ARHGAP20: variants seen among roughly 807,000 people sequenced by gnomAD.
ARHGAP20 encodes Rho GTPase activating protein 20.
A neutral mutation model predicts 73.7 loss-of-function variants in ARHGAP20; 34 were observed. The observed-to-expected ratio is 0.46, with a 90% CI of 0.35 to 0.61. The LOEUF (loss-of-function observed/expected upper bound fraction) is 0.61. Ranked by LOEUF, ARHGAP20 falls within the 20% of genes least tolerant of loss-of-function variation. The probability of loss-of-function intolerance (pLI) is 0.00; values close to 1 mark genes in which losing one functional copy is unlikely to be tolerated. For missense variants in ARHGAP20, 1,314 were observed against 1,420.9 expected (o/e 0.92, Z 1.21); for synonymous variants, 523 against 518.2 (o/e 1.01, Z -0.13).
intron 2 of ARHGAP20, among the ~76,000 whole-genome samples, chr11:110,655,877 T>A (rs1266883090): frequency 6.6e-6 from 1 of 152,194 alleles, no homozygotes; most frequent in Non-Finnish European, 1.5e-5. Flanking sequence ...TTCCATGGGA[T>A]GTTAATAGGT....
intron 1 of ARHGAP20, among the ~76,000 whole-genome samples, chr11:110,693,386 G>C (rs555414393): frequency 6.6e-6 from 1 of 152,058 alleles, no homozygotes; most frequent in South Asian, 2.1e-4. Flanking sequence ...AAATGAGACA[G>C]TTTGGACTAC....
intron 2 of ARHGAP20, among the ~76,000 whole-genome samples, chr11:110,638,405 A>T (rs1232099135): frequency 3.3e-5 from 5 of 152,060 alleles, no homozygotes; most frequent in Non-Finnish European, 5.9e-5. Context: ...TAACAGGGAT[A>T]CTCAACCTGT....
chr11:110,648,186 TA>T (rs1565457307), intron 2 of ARHGAP20, among the ~76,000 whole-genome samples: 1 of 104,846 alleles, frequency 9.5e-6, no homozygotes, highest in African/African-American at 3.9e-5. Flanking sequence ...TATATATATA[TA>T]TGTAAATATA....
chr11:110,602,219 C>T (rs981870346), intron 9 of ARHGAP20, among the ~76,000 whole-genome samples: 14 of 103,136 alleles, frequency 1.4e-4, no homozygotes, highest in Admixed American at 9.7e-4. Flanking sequence ...GATACCACAA[C>T]ATCTTTTTTT....
intron 2 of ARHGAP20, among the ~76,000 whole-genome samples, chr11:110,663,607 AAAAC>A (rs1290306565): frequency 2.6e-5 from 4 of 152,088 alleles, no homozygotes; most frequent in Admixed American, 6.5e-5. Flanking sequence ...GCCTTCCCAC[AAAAC>A]AAACAAAGGA....
intron 9 of ARHGAP20, among the ~76,000 whole-genome samples, chr11:110,594,694 G>A (rs907195722): frequency 6.6e-6 from 1 of 151,986 alleles, no homozygotes; most frequent in African/African-American, 2.4e-5. Flanking sequence ...ATTCACAGCC[G>A]AATTCTACCA....
chr11:110,674,447 T>C (rs966374207), intron 2 of ARHGAP20, among the ~76,000 whole-genome samples: 1 of 152,172 alleles, frequency 6.6e-6, no homozygotes, highest in Non-Finnish European at 1.5e-5. Context: ...GCCTACACGA[T>C]GGCATAAGTG....
chr11:110,676,478 G>A (rs1949932155), intron 2 of ARHGAP20, among the ~76,000 whole-genome samples: 1 of 152,092 alleles, frequency 6.6e-6, no homozygotes, highest in South Asian at 2.1e-4. Flanking sequence ...AAAGGGAAAA[G>A]TCCCTTATGA....
chr11:110,615,341 T>C (rs1948459876), intron 5 of ARHGAP20, among the ~76,000 whole-genome samples: 1 of 152,204 alleles, frequency 6.6e-6, no homozygotes, highest in African/African-American at 2.4e-5. Flanking sequence ...AATGTTCTCC[T>C]TCCTAGAAAG....
intron 2 of ARHGAP20, among the ~76,000 whole-genome samples, chr11:110,682,017 G>A (rs916079412): frequency 6.6e-6 from 1 of 152,116 alleles, no homozygotes; most frequent in African/African-American, 2.4e-5. Flanking sequence ...CCTCTACATA[G>A]GGAGAACTCA....
chr11:110,671,472 C>T (rs745961823), intron 2 of ARHGAP20, among the ~76,000 whole-genome samples: 11 of 151,886 alleles, frequency 7.2e-5, no homozygotes, highest in Non-Finnish European at 1.5e-4. Flanking sequence ...TTACCACTTT[C>T]GACAATACAG....
intron 2 of ARHGAP20, among the ~76,000 whole-genome samples, chr11:110,646,100 T>C (rs6589159): frequency 1.3e-5 from 2 of 152,026 alleles, no homozygotes; most frequent in Admixed American, 6.6e-5. Flanking sequence ...AATCTGCACA[T>C]GTACCTCCTG....
At chr11:110,597,944 G>C (rs1948012497) in intron 9 of ARHGAP20, among the ~76,000 whole-genome samples, 1 of 152,174 alleles carries the variant, frequency 6.6e-6, no homozygotes, top group Non-Finnish European at 1.5e-5. Flanking sequence ...ATTGCTATAA[G>C]AAATGAGGGA....
intron 2 of ARHGAP20, among the ~76,000 whole-genome samples, chr11:110,679,526 G>A (rs1591170566): frequency 6.6e-6 from 1 of 152,196 alleles, no homozygotes; most frequent in East Asian, 1.9e-4. Context: ...ACTCAGAGAT[G>A]TTTTATGAGT....
At chr11:110,642,851 G>C (rs11213511) in intron 2 of ARHGAP20, among the ~76,000 whole-genome samples, 3 of 152,096 alleles carry the variant, frequency 2.0e-5, no homozygotes, top group African/African-American at 7.2e-5. Context: ...AGTTTCAGTA[G>C]AACTGGTACA....
intron 2 of ARHGAP20, among the ~76,000 whole-genome samples, chr11:110,638,024 T>C (rs760161931): frequency 3.3e-5 from 5 of 152,062 alleles, no homozygotes; most frequent in Non-Finnish European, 7.4e-5. Context: ...TTAGATTTTA[T>C]TTGGAAGCAC....
chr11:110,689,529 A>G (rs1950202401), intron 2 of ARHGAP20, among the ~76,000 whole-genome samples: 1 of 152,164 alleles, frequency 6.6e-6, no homozygotes, highest in African/African-American at 2.4e-5. Flanking sequence ...GAATAAATTA[A>G]TGAATAAAAT....
intron 1 of ARHGAP20, among the ~76,000 whole-genome samples, chr11:110,700,582 TTTTTA>T (rs946860989): frequency 4.4e-4 from 67 of 152,008 alleles, no homozygotes; most frequent in African/African-American, 1.1e-3. Flanking sequence ...TTTTCTTTCT[TTTTTA>T]TTTTATTTAT....
intron 2 of ARHGAP20, among the ~76,000 whole-genome samples, chr11:110,654,085 G>C (rs1193787853): frequency 2.0e-5 from 3 of 152,100 alleles, no homozygotes; most frequent in Admixed American, 6.6e-5. Context: ...AGGAAAAATA[G>C]CTGATGCATG....
Sources: gnomAD v4.1 joint callset for allele counts (sites outside exome capture counted in the v4.1 genomes callset) on GRCh38, gnomAD v4.1.1 for gene constraint, MANE v1.5 for transcripts, NCBI Gene and HGNC (gene_info 2026-07-23, HGNC 2026-07-21) for gene names.